The following CHMP7 variants were observed in gnomAD, a reference collection of about 807,000 sequenced individuals.
CHMP7 encodes the protein charged multivesicular body protein 7, also known as CHMP family, member 7.
A neutral mutation model predicts 53.7 loss-of-function variants in CHMP7; 15 were observed. That is an observed-to-expected ratio of 0.28 (90% CI 0.19 to 0.43). CHMP7 has a LOEUF of 0.43. CHMP7 is among the 20% of genes least tolerant of loss of function. The pLI is 1.00. For synonymous variants in CHMP7, 261 were observed against 228.0 expected (o/e 1.14, Z -1.30); for missense variants, 527 against 569.4 (o/e 0.93, Z 0.76).
intron 1 of CHMP7, among the ~76,000 whole-genome samples, chr8:23,245,277 G>A (rs1801645633): frequency 6.6e-6 from 1 of 152,182 alleles, no homozygotes. Context: ...TCCTGTTTAT[G>A]TTCTTTATCA....
At position 23,258,752 on chromosome 8, in the gene CHMP7, T is replaced by A. The variant is rs769975915; in HGVS notation, c.981T>A (p.Ala327=). 1 of 1,612,428 alleles carries A rather than the reference T, an allele frequency of 6.2e-7. No homozygotes were observed. The highest frequency in any genetic ancestry group is 1.7e-5 in the Admixed American group (1 of 59,964). The stretch of plus-strand genomic sequence containing the variant: ...TTTAGGTTTTTAACGCCTACCAGGC[T>A]GGGGTAGGAGCACTCAAACTCTCCA... ...TDQMVFNAYQ[A]GVGALKLSMK... Residue 327 remains alanine (A), a synonymous_variant, in exon 8 of 11, where the codon GCT becomes GCA. Transcript: ENST00000397677.
intron 3 of CHMP7, among the ~76,000 whole-genome samples, chr8:23,251,210 A>T (rs1027858324): frequency 6.6e-6 from 1 of 151,902 alleles, no homozygotes; most frequent in Non-Finnish European, 1.5e-5. Context: ...GTTGAGGTAA[A>T]TTTTTTTTCC....
At chr8:23,251,651 T>G (rs1801934042) in intron 3 of CHMP7, among the ~76,000 whole-genome samples, 1 of 152,226 alleles carries the variant, frequency 6.6e-6, no homozygotes, top group Non-Finnish European at 1.5e-5. Flanking sequence ...GGAATTGGTG[T>G]GCACCCTGCT....
chr8:23,260,843 G>A lies in CHMP7; in HGVS notation c.*244G>A. ...TCTTTATAGTGCCACGATTTATACA[G>A]TCCTGTGTCTGACCTGTCATTTCAT... On this transcript the variant is annotated 3_prime_UTR_variant, in exon 11 of 11. Coordinates refer to ENST00000397677, the MANE Select transcript of CHMP7 (RefSeq NM_152272.5). 1 of 548,414 alleles carries A rather than the reference G, an allele frequency of 1.8e-6. No homozygotes were observed. The highest frequency in any genetic ancestry group is 3.2e-6 in the Non-Finnish European group (1 of 309,278). The allele number at this position is 548,414 out of a possible 1,614,324, so 34.0% of individuals were successfully genotyped here. A position where few individuals can be genotyped will look rare whatever the true frequency, so the allele number is the denominator to read the frequency against.
Position 23,246,794 on chromosome 8 carries a change from C to T in CHMP7, c.99C>T (p.Phe33=), listed in dbSNP as rs762860194. ...EWEEDEERMS[F]LFSAFKRSRE... is the part of the protein sequence containing the mutation. ...AGGAGGACGAGGAGCGCATGTCCTT[C>T]CTGTTCTCCGCTTTCAAGAGGAGTC... The change falls in exon 2 of 11, where the codon TTC becomes TTT. Residue 33 remains phenylalanine, a synonymous_variant. Transcript: ENST00000397677. The T allele has an allele frequency of 4.6e-5, 73 of 1,588,210 alleles. No individual in the cohort carries two copies. Among genetic ancestry groups the T allele is most frequent in the Non-Finnish European group, 6.0e-5 (70 of 1,167,910 alleles).
intron 1 of CHMP7, among the ~76,000 whole-genome samples, 186 bp downstream of exon 1, chr8:23,244,030 G>A (rs1011694452): frequency 4.0e-5 from 6 of 151,478 alleles, no homozygotes; most frequent in African/African-American, 1.2e-4. Context: ...AGAGTTCCTC[G>A]TGTGTTTTGG....
intron 1 of CHMP7, among the ~76,000 whole-genome samples, chr8:23,245,023 G>A (rs1801637164): frequency 3.3e-5 from 5 of 152,080 alleles, no homozygotes; most frequent in Admixed American, 3.3e-4. Flanking sequence ...CCAGGACATC[G>A]ATTTGGCAAT....
At chr8:23,257,342 C>T (rs1802176049) in intron 5 of CHMP7, among the ~76,000 whole-genome samples, 1 of 152,120 alleles carries the variant, frequency 6.6e-6, no homozygotes, top group African/African-American at 2.4e-5. Flanking sequence ...ACAAGACCCC[C>T]ACCTCAGCCT....
At chr8:23,257,823 TAGTC>T (rs1375654580) in intron 5 of CHMP7, among the ~76,000 whole-genome samples, 1 of 152,304 alleles carries the variant, frequency 6.6e-6, no homozygotes. Context: ...AGCTTATCCT[TAGTC>T]AGCCTGCTTG....
At position 23,249,190 on chromosome 8, in the gene CHMP7, CTTCTTT is replaced by C; in HGVS notation, c.300-14_300-9del. 6.4e-7 allele frequency: 1 copy of C among 1,554,142 alleles called. No individual in the cohort carries two copies. Among genetic ancestry groups the C allele is most frequent in the South Asian group, 1.2e-5 (1 of 80,752 alleles). On this transcript the variant is annotated splice_polypyrimidine_tract_variant and intron_variant, in intron 2 of 10. Coordinates refer to ENST00000397677, the MANE Select transcript of CHMP7 (RefSeq NM_152272.5). ...ATTGCATTAAGTGCTACTACACGCC[CTTCTTT>C]TTCTTCCCTGCAGTCGAGGGGAGCT...
chr8:23,251,275 A>G (rs1801920521), intron 3 of CHMP7, among the ~76,000 whole-genome samples: 1 of 152,214 alleles, frequency 6.6e-6, no homozygotes, highest in African/African-American at 2.4e-5. Flanking sequence ...GGTATTGAAA[A>G]ATAAAAAAAG....
Position 23,249,286 on chromosome 8 carries a change from T to C in CHMP7, c.376T>C (p.Phe126Leu). The C allele has an allele frequency of 6.2e-7, 1 of 1,613,496 alleles. No individual in the cohort carries two copies. Among genetic ancestry groups the C allele is most frequent in the Non-Finnish European group, 8.5e-7 (1 of 1,179,744 alleles). Reference protein sequence around the residue: ...SSWISWGVGVFLLKPLKWTLS... With the variant: ...SSWISWGVGVLLLKPLKWTLS... ...CTGGATCTCCTGGGGGGTTGGGGTC[T>C]TCCTGCTGAAGCCTCTCAAGTGGAC... The change falls in exon 3 of 11, where the codon TTC becomes CTC. Residue 126 changes from phenylalanine to leucine, a missense_variant. By Grantham distance (22) the Phe-to-Leu change is conservative (BLOSUM62 0). Coordinates refer to ENST00000397677, the MANE Select transcript of CHMP7 (RefSeq NM_152272.5).
chr8:23,260,750 C>A lies in CHMP7; in HGVS notation c.*151C>A. On this transcript the variant is annotated 3_prime_UTR_variant, in exon 11 of 11. Transcript: ENST00000397677. ...CTGGATGCTACTACTTACTACAGGA[C>A]AGATAGAATTTCTGGAAGCGATGCT... 1.5e-6 allele frequency: 1 copy of A among 667,804 alleles called. No homozygotes were observed. Among genetic ancestry groups the A allele is most frequent in the Non-Finnish European group, 2.6e-6 (1 of 379,932 alleles). The allele number at this position is 667,804 out of a possible 1,614,324, so 41.4% of individuals were successfully genotyped here.
In CHMP7 at chr8:23,253,458, A is replaced by AT. The variant is rs34261595; in HGVS notation, c.472-1781dup. Among the ~76,000 whole-genome samples the AT allele has an allele frequency of 4.0e-4, 61 of 151,628 alleles. 1 individual carries two copies. The highest frequency in any genetic ancestry group is 1.1e-3 in the African/African-American group (44 of 41,352). ...CCACCATGGCCAGCTAATTTTTTGT[A>AT]TTTTTTTTAGTGGAGATGGGGTTTC... On this transcript the variant is annotated intron_variant, in intron 3 of 10. Transcript: ENST00000397677.
In CHMP7 at chr8:23,259,161, C is replaced by CTTT. The variant is rs1491187498; in HGVS notation, c.1120+35_1120+36insTTT. ...CAAGGTGGTTATTTTTATTTTTATT[C>CTTT]ATTTTTTTTTTTTTTTTTTTTTTTT... is the stretch of plus-strand genomic sequence containing the variant. On this transcript the variant is annotated intron_variant, in intron 9 of 10. Transcript: ENST00000397677. The CTTT allele has an allele frequency of 1.3e-3, 673 of 519,550 alleles. 15 individuals carry two copies. The highest frequency in any genetic ancestry group is 1.9e-3 in the Middle Eastern group (3 of 1,592). The allele number at this position is 519,550 out of a possible 1,614,324, so 32.2% of individuals were successfully genotyped here.
At chr8:23,256,380 A>G (rs906123320) in intron 4 of CHMP7, 80 bp from the exon 5 acceptor site, 6 of 930,242 alleles carry the variant, frequency 6.4e-6, no homozygotes, top group African/African-American at 1.6e-5. Flanking sequence ...CTGTTCTCAC[A>G]TGCCCACCAC....
At chr8:23,252,537 A>G (rs1487660237) in intron 3 of CHMP7, 2 of 152,180 alleles carry the variant, frequency 1.3e-5, no homozygotes, top group African/African-American at 4.8e-5. Context: ...AGAGATAGAT[A>G]TATATAATGT....
Position 23,261,922 on chromosome 8 carries a change from ATGT to A in CHMP7, c.*1326_*1328del, listed in dbSNP as rs1481393772. On this transcript the variant is annotated 3_prime_UTR_variant, in exon 11 of 11. Transcript: ENST00000397677. ...TCCAACTCGACCTTGGTAAACGGAAATGTTGGGGGTGAAGAGAAACAATCACTA... is the reference window on the plus strand; with the variant it reads ...TCCAACTCGACCTTGGTAAACGGAAATGGGGGTGAAGAGAAACAATCACTA... The A allele has an allele frequency of 6.6e-6, 1 of 152,602 alleles. No individual in the cohort carries two copies. The highest frequency in any genetic ancestry group is 6.5e-5 in the Admixed American group (1 of 15,276). 9.5% of individuals were successfully genotyped at this position (152,602 alleles called of 1,614,324 possible).
intron 3 of CHMP7, among the ~76,000 whole-genome samples, 164 bp downstream of exon 3, chr8:23,249,545 T>A (rs1468974060): frequency 6.6e-6 from 1 of 152,218 alleles, no homozygotes; most frequent in Non-Finnish European, 1.5e-5. Flanking sequence ...TTTGTAATAT[T>A]CATTAGTGGG....
Sources: allele counts gnomAD v4.1 joint callset (sites outside exome capture counted in the v4.1 genomes callset), GRCh38; gene constraint gnomAD v4.1.1; transcripts MANE v1.5; gene names NCBI Gene and HGNC (gene_info 2026-07-23, HGNC 2026-07-21).